The following IRS1 variants were observed in gnomAD, a reference collection of about 807,000 sequenced individuals.
IRS1 encodes insulin receptor substrate 1.
IRS1 carries 34 observed loss-of-function variants against 65.6 expected under a neutral mutation model. That is an observed-to-expected ratio of 0.52 (90% CI 0.39 to 0.69). The LOEUF (loss-of-function observed/expected upper bound fraction) is 0.69, where lower values mean the gene tolerates loss of function less well. IRS1 is among the 30% of genes least tolerant of loss of function. IRS1 has a pLI of 0.00. For synonymous variants in IRS1, 699 were observed against 683.5 expected (o/e 1.02, Z -0.35); for missense variants, 1,641 against 1,720.2 (o/e 0.95, Z 0.81).
chr2:226,768,971 A>G (rs1362433253), intron 1 of IRS1, among the ~76,000 whole-genome samples: 3 of 152,212 alleles, frequency 2.0e-5, no homozygotes, highest in Non-Finnish European at 4.4e-5. Flanking sequence ...CACTGAGGCA[A>G]GACAGATGGT....
chr2:226,765,222 C>A (rs940586258), intron 1 of IRS1, among the ~76,000 whole-genome samples: 1 of 152,176 alleles, frequency 6.6e-6, no homozygotes. Context: ...TAGGCATGTG[C>A]CACTATGCCC....
At chr2:226,755,320 T>A (rs1938774479) in intron 1 of IRS1, among the ~76,000 whole-genome samples, 1 of 152,206 alleles carries the variant, frequency 6.6e-6, no homozygotes, top group Non-Finnish European at 1.5e-5. Context: ...GACATCCACT[T>A]TTTAAAAATA....
rs893709585 is a variant in IRS1, at chr2:226,735,753, G to A, written c.*519C>T. ...CCCACATCCAAAAAAAAGATGTGCT[G>A]TAAGAAAAGTTACATTTTCATTTAA... On this transcript the variant is annotated 3_prime_UTR_variant, in exon 2 of 2. Transcript: ENST00000305123. 3 of 152,544 alleles carry A rather than the reference G, an allele frequency of 2.0e-5. No individual in the cohort carries two copies. The highest frequency in any genetic ancestry group is 2.9e-5 in the Non-Finnish European group (2 of 68,014). 9.4% of individuals were successfully genotyped at this position (152,544 alleles called of 1,614,324 possible). A position where few individuals can be genotyped will look rare whatever the true frequency, so the allele number is the denominator to read the frequency against.
intron 1 of IRS1, among the ~76,000 whole-genome samples, chr2:226,775,342 A>G (rs542593275): frequency 1.5e-4 from 23 of 152,344 alleles, no homozygotes; most frequent in African/African-American, 4.3e-4. Flanking sequence ...ACTGCTATGT[A>G]TATGTATGCA....
chr2:226,759,601 G>A (rs2106166238), intron 1 of IRS1, among the ~76,000 whole-genome samples: 1 of 152,320 alleles, frequency 6.6e-6, no homozygotes, highest in Non-Finnish European at 1.5e-5. Context: ...TGTGAGCAGA[G>A]AAACACTTTT....
intron 1 of IRS1, among the ~76,000 whole-genome samples, chr2:226,764,719 C>T (rs1250673589): frequency 2.0e-5 from 3 of 152,158 alleles, no homozygotes; most frequent in African/African-American, 2.4e-5. Flanking sequence ...AGTGAGGGTG[C>T]GCCACAGCAT....
chr2:226,778,619 C>T (rs1939322221), intron 1 of IRS1, among the ~76,000 whole-genome samples: 1 of 151,910 alleles, frequency 6.6e-6, no homozygotes, highest in African/African-American at 2.4e-5. Flanking sequence ...AAAAAGAAAA[C>T]TCTTTACAAT....
At chr2:226,779,375 T>C (rs576456048) in intron 1 of IRS1, among the ~76,000 whole-genome samples, 1 of 152,380 alleles carries the variant, frequency 6.6e-6, no homozygotes, top group South Asian at 2.1e-4. Flanking sequence ...TTTAAAATCC[T>C]ATGGTCCAAC....
Position 226,798,383 on chromosome 2 carries a change from C to G in IRS1, c.356G>C (p.Gly119Ala), listed in dbSNP as rs372506005. 6.2e-7 allele frequency: 1 copy of G among 1,613,942 alleles called. No individual in the cohort carries two copies. Among genetic ancestry groups the G allele is most frequent in the Non-Finnish European group, 8.5e-7 (1 of 1,179,994 alleles). ...GAGGGCCGCAGCTCCGTCGTGGTGG[C>G]CCTTAGCACGGTTGTGCAGCTGTAG... ...ALLQLHNRAK[G>A]HHDGAAALGA... Residue 119 changes from glycine to alanine, a missense_variant, in exon 1 of 2, where the codon GGC becomes GCC. Gly to Ala is a moderately conservative substitution (Grantham distance 60). Coordinates refer to ENST00000305123, the MANE Select transcript of IRS1 (RefSeq NM_005544.3). The surrounding 1 kb of genome is among the most constrained non-coding windows in gnomAD (Gnocchi z 9.4).
At chr2:226,741,611 C>A (rs1049576228) in intron 1 of IRS1, among the ~76,000 whole-genome samples, 1 of 152,058 alleles carries the variant, frequency 6.6e-6, no homozygotes, top group Non-Finnish European at 1.5e-5. Context: ...CACACAATTA[C>A]ATTAAACTGC....
At chr2:226,771,707 A>G (rs2435185) in intron 1 of IRS1, among the ~76,000 whole-genome samples, 2,206 of 152,232 alleles carry the variant, frequency 0.014, 19 homozygotes, top group Non-Finnish European at 0.023. Flanking sequence ...TGCCTGGCAC[A>G]GCACACAGCA....
At chr2:226,787,068 C>T (rs1939501822) in intron 1 of IRS1, among the ~76,000 whole-genome samples, 1 of 152,160 alleles carries the variant, frequency 6.6e-6, no homozygotes, top group Admixed American at 6.5e-5. Context: ...CCCCCACTTT[C>T]CCCCCAGGTT....
chr2:226,752,282 G>A (rs1938700838), intron 1 of IRS1, among the ~76,000 whole-genome samples: 1 of 152,124 alleles, frequency 6.6e-6, no homozygotes, highest in Admixed American at 6.5e-5. Flanking sequence ...TAAAAAGAAA[G>A]GATGGTCTGT....
intron 1 of IRS1, among the ~76,000 whole-genome samples, chr2:226,785,560 G>C (rs1574658915): frequency 6.6e-6 from 1 of 152,170 alleles, no homozygotes; most frequent in Non-Finnish European, 1.5e-5. Context: ...CCAAGATTGT[G>C]TCACTGCACT....
chr2:226,764,232 C>T (rs763825811), intron 1 of IRS1, among the ~76,000 whole-genome samples: 2 of 151,704 alleles, frequency 1.3e-5, no homozygotes, highest in Non-Finnish European at 2.9e-5. Flanking sequence ...TGGAATGTGG[C>T]AAGAATCAGA....
At chr2:226,750,339 T>A (rs181096230) in intron 1 of IRS1, among the ~76,000 whole-genome samples, 1 of 151,986 alleles carries the variant, frequency 6.6e-6, no homozygotes, top group East Asian at 1.9e-4. Context: ...GACTAAGCGT[T>A]CTCCTCACTC....
intron 1 of IRS1, among the ~76,000 whole-genome samples, chr2:226,748,164 A>G (rs1437372262): frequency 2.6e-5 from 4 of 151,844 alleles, no homozygotes; most frequent in Non-Finnish European, 5.9e-5. Flanking sequence ...ATGGTGGCTC[A>G]CACCTGTAAT....
chr2:226,765,814 T>A lies in IRS1; in HGVS notation c.*21+29175A>T, dbSNP rs1459030548. On this transcript the variant is annotated intron_variant, in intron 1 of 1. Transcript: ENST00000305123. ...AACAGAAGCCACTTTAAAAAGTAAA[T>A]CTGTTGAAAACATGGACCTAATTTT... Among the ~76,000 whole-genome samples the A allele has an allele frequency of 3.9e-5, 6 of 152,108 alleles. No homozygotes were observed. The East Asian group carries it at 1.2e-3, about 29-fold the overall frequency.
chr2:226,799,564 GA>G lies in IRS1; in HGVS notation c.-827del. On this transcript the variant is annotated 5_prime_UTR_variant, in exon 1 of 2. Coordinates refer to ENST00000305123, the MANE Select transcript of IRS1 (RefSeq NM_005544.3). This position sits in a 1 kb window ranked among gnomAD's most constrained non-coding sequence, Gnocchi z 6.1. The stretch of plus-strand genomic sequence containing the variant: ...CAGGCGGCTGGGGAGGAGGGGAGGG[GA>G]CAAGGGCGAGAGGGGATGGGGGAGG... 1 of 1,063,598 alleles carries G rather than the reference GA, an allele frequency of 9.4e-7. No individual in the cohort carries two copies. Among genetic ancestry groups the G allele is most frequent in the Non-Finnish European group, 1.2e-6 (1 of 866,942 alleles). The allele number at this position is 1,063,598 out of a possible 1,614,324, so 65.9% of individuals were successfully genotyped here. A position where few individuals can be genotyped will look rare whatever the true frequency, so the allele number is the denominator to read the frequency against.
Sources: allele counts gnomAD v4.1 joint callset (sites outside exome capture counted in the v4.1 genomes callset), GRCh38; gene constraint gnomAD v4.1.1; non-coding constraint Gnocchi (gnomAD v3.1); transcripts MANE v1.5; gene names NCBI Gene and HGNC (gene_info 2026-07-23, HGNC 2026-07-21).